The following LINGO2 variants were observed in gnomAD, a reference collection of about 807,000 sequenced individuals.
The protein encoded by LINGO2 is leucine rich repeat and Ig domain containing 2, also known as leucine-rich repeat and immunoglobulin-like domain-containing nogo receptor-interacting protein 2.
Under a neutral mutation model 30.6 loss-of-function variants are expected in LINGO2, and 14 were observed. The observed-to-expected ratio is 0.46, with a 90% confidence interval of 0.30 to 0.72. The LOEUF (loss-of-function observed/expected upper bound fraction) is 0.72. LINGO2 is among the 30% of genes least tolerant of loss of function. The probability of loss-of-function intolerance (pLI) is 0.07; values close to 1 mark genes in which losing one functional copy is unlikely to be tolerated. For synonymous variants in LINGO2, 317 were observed against 288.5 expected (o/e 1.10, Z -1.00); for missense variants, 729 against 751.7 (o/e 0.97, Z 0.35).
At chr9:28,275,503 C>T (rs1006855919) in intron 4 of LINGO2, among the ~76,000 whole-genome samples, 96 of 152,150 alleles carry the variant, frequency 6.3e-4, no homozygotes, top group Non-Finnish European at 1.2e-3. Flanking sequence ...CTTTATACAA[C>T]CTATATCCTT....
chr9:29,108,604 G>C, the LINGO2 span, among the ~76,000 whole-genome samples: 4 of 152,114 alleles, frequency 2.6e-5, no homozygotes, highest in African/African-American at 9.7e-5. Flanking sequence ...ACATTACTTT[G>C]GTAAATATTC....
chr9:28,595,153 C>G (rs1040728411), intron 1 of LINGO2, among the ~76,000 whole-genome samples: 6 of 152,034 alleles, frequency 3.9e-5, no homozygotes, highest in Middle Eastern at 3.2e-3. Context: ...ATATCTATCA[C>G]TTAAGATAGG....
the LINGO2 span, among the ~76,000 whole-genome samples, chr9:29,039,371 G>A: frequency 1.3e-5 from 2 of 152,080 alleles, no homozygotes; most frequent in East Asian, 1.9e-4. Context: ...AAACAAGAAT[G>A]AGCAGGAAGC....
At chr9:28,970,673 C>T in the LINGO2 span, among the ~76,000 whole-genome samples, 7 of 152,080 alleles carry the variant, frequency 4.6e-5, no homozygotes, top group Non-Finnish European at 8.8e-5. Context: ...ACCCACAGAC[C>T]GGAACATTTA....
intron 4 of LINGO2, among the ~76,000 whole-genome samples, chr9:28,017,037 T>C (rs1195398690): frequency 6.6e-6 from 1 of 152,120 alleles, no homozygotes. Context: ...TGGTTCAACA[T>C]ACATACATCA....
At chr9:28,685,001 G>A in the LINGO2 span, among the ~76,000 whole-genome samples, 2 of 152,020 alleles carry the variant, frequency 1.3e-5, 1 homozygote, top group South Asian at 4.1e-4. Context: ...CCCTCAAGTA[G>A]GCCCCAGTGT....
At chr9:28,104,266 G>GTTTT (rs74180789) in intron 4 of LINGO2, among the ~76,000 whole-genome samples, 58 of 97,420 alleles carry the variant, frequency 6.0e-4, no homozygotes, top group South Asian at 2.5e-3. Flanking sequence ...TTTTTTGTTT[G>GTTTT]TTTTTTTTTT....
At chr9:29,017,727 G>C in the LINGO2 span, among the ~76,000 whole-genome samples, 1 of 152,040 alleles carries the variant, frequency 6.6e-6, no homozygotes, top group African/African-American at 2.4e-5. Flanking sequence ...CCCAACAAGA[G>C]GAAAGGGTAA....
At chr9:29,143,746 T>C in the LINGO2 span, among the ~76,000 whole-genome samples, 1 of 152,310 alleles carries the variant, frequency 6.6e-6, no homozygotes, top group Admixed American at 6.5e-5. Context: ...GATTGTTTAC[T>C]TTGTGGTGCA....
At chr9:28,113,264 A>G (rs1246206574) in intron 4 of LINGO2, among the ~76,000 whole-genome samples, 3 of 59,596 alleles carry the variant, frequency 5.0e-5, no homozygotes, top group South Asian at 1.1e-3. Flanking sequence ...TGTTCCATTG[A>G]TCTATATCTC....
At position 28,280,280 on chromosome 9, in the gene LINGO2, A is replaced by G. The variant is rs191911833; in HGVS notation, c.-87+14928T>C. Among the ~76,000 whole-genome samples, 1,002 of 152,308 alleles carry G rather than the reference A, an allele frequency of 6.6e-3. 9 individuals carry two copies. Among genetic ancestry groups the G allele is most frequent in the Non-Finnish European group, 0.011 (747 of 68,020 alleles). ...GATTACATTGTAAGTAAGATACATA[A>G]GAGTCCACAAGGAGCTCTCAGTCCA... On this transcript the variant is annotated intron_variant, in intron 4 of 5. Transcript: ENST00000379992.
rs529889080 is a variant in LINGO2 at position 28,446,973 on chromosome 9, T to C, written c.-279+28967A>G. On this transcript the variant is annotated intron_variant, in intron 2 of 5. Transcript: ENST00000379992. Reference sequence around the variant, plus strand: ...AAAAAGTGCCAGACTCCTTCTCATCTCAGGATAGGTGTTCCTTTCTCTGCC... The same window carrying C: ...AAAAAGTGCCAGACTCCTTCTCATCCCAGGATAGGTGTTCCTTTCTCTGCC... 1.6e-4 allele frequency among the ~76,000 whole-genome samples: 25 copies of C among 152,296 alleles called. No individual in the cohort carries two copies. The East Asian group carries it at 4.5e-3, about 27-fold the overall frequency.
the LINGO2 span, among the ~76,000 whole-genome samples, chr9:29,157,351 A>T: frequency 6.6e-6 from 1 of 152,202 alleles, no homozygotes; most frequent in Non-Finnish European, 1.5e-5. Context: ...TCTCTAGTCA[A>T]CACAATGAAC....
chr9:28,537,060 C>T (rs571898923), intron 1 of LINGO2, among the ~76,000 whole-genome samples: 63 of 152,072 alleles, frequency 4.1e-4, no homozygotes, highest in African/African-American at 1.3e-3. Context: ...GGGATAACAC[C>T]ATGTGAAGTT....
intron 1 of LINGO2, among the ~76,000 whole-genome samples, chr9:28,485,685 A>G (rs1307285677): frequency 1.3e-5 from 2 of 152,218 alleles, no homozygotes; most frequent in East Asian, 1.9e-4. Context: ...TGGCCACAGC[A>G]TGCAACAACC....
At chr9:28,016,110 T>A (rs1822823253) in intron 4 of LINGO2, among the ~76,000 whole-genome samples, 1 of 151,998 alleles carries the variant, frequency 6.6e-6, no homozygotes, top group African/African-American at 2.4e-5. Flanking sequence ...TTGTGACCAA[T>A]GACCTGCATT....
intron 5 of LINGO2, among the ~76,000 whole-genome samples, chr9:27,998,209 T>G: frequency 6.6e-6 from 1 of 152,106 alleles, no homozygotes. Context: ...ATGGAGAAAG[T>G]GGTGCTGTGT....
chr9:28,895,819 G>A, the LINGO2 span, among the ~76,000 whole-genome samples: 24 of 152,002 alleles, frequency 1.6e-4, no homozygotes, highest in African/African-American at 5.3e-4. Context: ...ATAAGACAAA[G>A]GAGGCAGAGC....
intron 3 of LINGO2, among the ~76,000 whole-genome samples, chr9:28,353,898 C>T (rs1220644992): frequency 6.6e-6 from 1 of 152,016 alleles, no homozygotes; most frequent in Non-Finnish European, 1.5e-5. Context: ...TAAACTATCG[C>T]AAGAACAAAA....
Sources: allele counts gnomAD v4.1 joint callset (sites outside exome capture counted in the v4.1 genomes callset), GRCh38; gene constraint gnomAD v4.1.1; transcripts MANE v1.5; gene names NCBI Gene and HGNC (gene_info 2026-07-23, HGNC 2026-07-21).